The following LONP2 variants were observed in gnomAD, a reference collection of about 807,000 sequenced individuals.
LONP2 encodes lon peptidase 2, peroxisomal, also known as lon protease homolog 2, peroxisomal.
Under a neutral mutation model 85.6 loss-of-function variants are expected in LONP2, and 60 were observed. That is an observed-to-expected ratio of 0.70 (90% confidence interval 0.57 to 0.87). LONP2 has a LOEUF of 0.87. Ranked by LOEUF, LONP2 falls within the 40% of genes least tolerant of loss-of-function variation. The probability of loss-of-function intolerance (pLI) is 0.00; values close to 1 mark genes in which losing one functional copy is unlikely to be tolerated. For missense variants in LONP2, 860 were observed against 1,063.5 expected (o/e 0.81, Z 2.66); for synonymous variants, 395 against 389.7 (o/e 1.01, Z -0.16).
intron 11 of LONP2, among the ~76,000 whole-genome samples, chr16:48,321,633 G>GTA: frequency 6.6e-6 from 1 of 152,276 alleles, no homozygotes; most frequent in East Asian, 1.9e-4. Flanking sequence ...AGGCTATATG[G>GTA]TATAGCCTGT....
At chr16:48,360,052 ACT>A (rs1668180523), downstream of LONP2, among the ~76,000 whole-genome samples, 1 of 152,248 alleles carries the variant, frequency 6.6e-6, no homozygotes. Context: ...TGAGCAAAGC[ACT>A]GTTTCAGGTA....
chr16:48,294,701 C>T (rs1972631619), intron 8 of LONP2, among the ~76,000 whole-genome samples: 1 of 152,068 alleles, frequency 6.6e-6, no homozygotes, highest in South Asian at 2.1e-4. Flanking sequence ...GCCACTGCAC[C>T]TCAACCTTGG....
chr16:48,316,327 T>A (rs1468395437), intron 11 of LONP2, among the ~76,000 whole-genome samples: 1 of 147,472 alleles, frequency 6.8e-6, no homozygotes, highest in Middle Eastern at 3.5e-3. Flanking sequence ...TGGATTCTTT[T>A]TTTTTTTTTT....
chr16:48,336,766 G>A (rs900359877), intron 12 of LONP2, among the ~76,000 whole-genome samples: 1 of 152,180 alleles, frequency 6.6e-6, no homozygotes, highest in African/African-American at 2.4e-5. Flanking sequence ...CACTTCTTTT[G>A]TGATTCTTCA....
Position 48,352,340 on chromosome 16 carries a change from T to C in LONP2, c.*538T>C, listed in dbSNP as rs1254853363. 5 of 155,030 alleles carry C rather than the reference T, an allele frequency of 3.2e-5. No homozygotes were observed. The highest frequency in any genetic ancestry group is 1.9e-4 in the East Asian group (1 of 5,264). The allele number at this position is 155,030 out of a possible 1,614,324, so 9.6% of individuals were successfully genotyped here. A position where few individuals can be genotyped will look rare whatever the true frequency, so the allele number is the denominator to read the frequency against. ...AGATGAAAGTATAGCCAACTATTCT[T>C]GGCTATATATATATATTCAAGTGGG... On this transcript the variant is annotated 3_prime_UTR_variant, in exon 15 of 15. Coordinates refer to ENST00000285737, the MANE Select transcript of LONP2 (RefSeq NM_031490.5).
intron 5 of LONP2, 103 bp from the exon 6 acceptor site, chr16:48,262,675 A>T: frequency 1.5e-6 from 1 of 663,364 alleles, no homozygotes; most frequent in Non-Finnish European, 2.6e-6. Context: ...TTGTTTAAAC[A>T]TGCATGATAT....
intron 12 of LONP2, 60 bp from the exon 13 acceptor site, chr16:48,347,447 G>A: frequency 6.5e-7 from 1 of 1,533,650 alleles, no homozygotes; most frequent in South Asian, 1.1e-5. Context: ...GCAGGATTGT[G>A]TGGTATCAGT....
At position 48,270,146 on chromosome 16, in the gene LONP2, A is replaced by G. The variant is rs765910201; in HGVS notation, c.1113A>G (p.Leu371=). ...AAAATAACCTGAAGGGCCCAATCCT[A>G]TGCTTTGTTGGCCCTCCTGGAGTTG... ...QLKNNLKGPI[L]CFVGPPGVGK... Residue 371 remains leucine, a synonymous_variant, in exon 7 of 15, where the codon CTA becomes CTG. Coordinates refer to ENST00000285737, the MANE Select transcript of LONP2 (RefSeq NM_031490.5). The G allele has an allele frequency of 2.5e-6, 4 of 1,614,044 alleles. No individual in the cohort carries two copies. Among genetic ancestry groups the G allele is most frequent in the Admixed American group, 3.3e-5 (2 of 59,982 alleles).
chr16:48,266,254 C>T (rs561558698), intron 6 of LONP2, among the ~76,000 whole-genome samples: 221 of 152,028 alleles, frequency 1.5e-3, no homozygotes, highest in African/African-American at 5.0e-3. Flanking sequence ...ATCCACCTGC[C>T]TCGGCCTCCC....
chr16:48,266,550 G>C (rs1197750481), intron 6 of LONP2, among the ~76,000 whole-genome samples: 1 of 151,662 alleles, frequency 6.6e-6, no homozygotes, highest in East Asian at 1.9e-4. Context: ...TAATCCCCAA[G>C]CAACCACTAA....
At chr16:48,270,361 C>A in intron 7 of LONP2, 87 bp downstream of exon 7, 1 of 1,413,944 alleles carries the variant, frequency 7.1e-7, no homozygotes, top group Non-Finnish European at 9.7e-7. Context: ...TAGCATACAT[C>A]TATTTTCCTT....
chr16:48,256,509 A>G, intron 2 of LONP2, 101 bp from the exon 3 acceptor site: 2 of 1,265,346 alleles, frequency 1.6e-6, no homozygotes, highest in Non-Finnish European at 2.3e-6. Context: ...TTCAAAAACA[A>G]AGACTGAGGC....
At chr16:48,289,465 G>T (rs914768717) in intron 8 of LONP2, among the ~76,000 whole-genome samples, 3 of 152,172 alleles carry the variant, frequency 2.0e-5, no homozygotes, top group Non-Finnish European at 4.4e-5. Context: ...GGGGCAATCA[G>T]GTTTACCTCA....
In LONP2 at chr16:48,353,544, TAGC is replaced by T. The variant is rs888247677; in HGVS notation, c.*1745_*1747del. On this transcript the variant is annotated 3_prime_UTR_variant, in exon 15 of 15. Transcript: ENST00000285737. ...ATTGGGCCAAAATACTGTGATAAAA[TAGC>T]AGGCCTGCTGATAAAAGTTTATCTG... 1 of 142,282 alleles carries T rather than the reference TAGC, an allele frequency of 7.0e-6. No homozygotes were observed. The highest frequency in any genetic ancestry group is 1.5e-5 in the Non-Finnish European group (1 of 65,108). The allele number at this position is 142,282 out of a possible 1,614,324, so 8.8% of individuals were successfully genotyped here. A position where few individuals can be genotyped will look rare whatever the true frequency, so the allele number is the denominator to read the frequency against.
intron 11 of LONP2, among the ~76,000 whole-genome samples, chr16:48,316,448 T>C (rs1315788430): frequency 6.8e-6 from 1 of 146,902 alleles, no homozygotes; most frequent in African/African-American, 2.5e-5. Flanking sequence ...TGCTTCAGCC[T>C]CCCGAGTAGC....
At chr16:48,285,681 T>G (rs563202069) in intron 8 of LONP2, among the ~76,000 whole-genome samples, 1 of 152,300 alleles carries the variant, frequency 6.6e-6, no homozygotes, top group African/African-American at 2.4e-5. Flanking sequence ...AAATTTCTAT[T>G]TTAAAATTTT....
At chr16:48,342,035 C>T (rs1959828611) in intron 12 of LONP2, among the ~76,000 whole-genome samples, 1 of 152,114 alleles carries the variant, frequency 6.6e-6, no homozygotes, top group South Asian at 2.1e-4. Context: ...GGAAATCAGG[C>T]TAGTTTTAGC....
intron 7 of LONP2, among the ~76,000 whole-genome samples, chr16:48,274,524 T>C (rs1007615431): frequency 6.6e-6 from 1 of 152,178 alleles, no homozygotes; most frequent in Non-Finnish European, 1.5e-5. Flanking sequence ...ACCAGAAGAA[T>C]AATTGCATTT....
At chr16:48,316,981 C>A (rs1973159961) in intron 11 of LONP2, among the ~76,000 whole-genome samples, 1 of 152,138 alleles carries the variant, frequency 6.6e-6, no homozygotes, top group Admixed American at 6.5e-5. Context: ...TCACTCTGTC[C>A]TGTCAAGGCT....
Sources: allele counts gnomAD v4.1 joint callset (sites outside exome capture counted in the v4.1 genomes callset), GRCh38; gene constraint gnomAD v4.1.1; transcripts MANE v1.5; gene names NCBI Gene and HGNC (gene_info 2026-07-23, HGNC 2026-07-21).